The following NT5DC1 variants were observed in gnomAD, a reference collection of about 807,000 sequenced individuals.
NT5DC1 encodes 5'-nucleotidase domain containing 1.
NT5DC1 carries 42 observed loss-of-function variants against 59.4 expected under a neutral mutation model. The observed-to-expected ratio is 0.71, with a 90% CI of 0.55 to 0.92. NT5DC1 has a LOEUF of 0.92. NT5DC1 is among the 40% of genes least tolerant of loss of function. The probability of loss-of-function intolerance (pLI) is 0.00; values close to 1 mark genes in which losing one functional copy is unlikely to be tolerated. For missense variants in NT5DC1, 501 were observed against 537.1 expected (o/e 0.93, Z 0.66); for synonymous variants, 172 against 188.1 (o/e 0.91, Z 0.70).
At chr6:116,196,895 T>A (rs1369596625) in intron 6 of NT5DC1, among the ~76,000 whole-genome samples, 1 of 151,622 alleles carries the variant, frequency 6.6e-6, no homozygotes, top group Non-Finnish European at 1.5e-5. Context: ...TTTCCTCCCC[T>A]CTTCTACTCT....
intron 6 of NT5DC1, among the ~76,000 whole-genome samples, chr6:116,213,182 TG>T (rs770789321): frequency 3.9e-5 from 6 of 152,136 alleles, no homozygotes; most frequent in Admixed American, 3.9e-4. Context: ...CTTCTAAACG[TG>T]GGGGTCTCTC....
chr6:116,231,317 TG>T (rs1317540398), intron 8 of NT5DC1, among the ~76,000 whole-genome samples: 1 of 151,678 alleles, frequency 6.6e-6, no homozygotes, highest in African/African-American at 2.4e-5. Flanking sequence ...AATGAACAAC[TG>T]GAGAAAAAAA....
intron 6 of NT5DC1, among the ~76,000 whole-genome samples, chr6:116,141,263 A>AT (rs201726112): frequency 0.05 from 7,085 of 142,642 alleles, 584 homozygotes; most frequent in African/African-American, 0.17. Context: ...TTTTTATCAG[A>AT]TTTTTTTTTT....
intron 6 of NT5DC1, among the ~76,000 whole-genome samples, chr6:116,135,395 T>C (rs774021049): frequency 3.9e-5 from 6 of 152,024 alleles, no homozygotes; most frequent in Non-Finnish European, 5.9e-5. Context: ...ATTTTTTTTC[T>C]GTAGCATCCA....
intron 6 of NT5DC1, among the ~76,000 whole-genome samples, chr6:116,135,881 A>G (rs1779588441): frequency 2.7e-5 from 4 of 146,932 alleles, no homozygotes; most frequent in South Asian, 2.1e-4. Flanking sequence ...ATACACACAT[A>G]CACACACATT....
At chr6:116,121,992 A>C in intron 6 of NT5DC1, 1 of 1,577,494 alleles carries the variant, frequency 6.3e-7, no homozygotes, top group Non-Finnish European at 8.7e-7. Context: ...ACCCACCCAT[A>C]GAAGGGGATG....
chr6:116,119,024 A>C (rs1314412393), intron 6 of NT5DC1: 1 of 152,656 alleles, frequency 6.6e-6, no homozygotes, highest in African/African-American at 2.4e-5. Context: ...TCAGCCTAAA[A>C]ATCTATTGAT....
At chr6:116,126,022 C>T (rs1478795097) in intron 6 of NT5DC1, 1 of 156,088 alleles carries the variant, frequency 6.4e-6, no homozygotes, top group Non-Finnish European at 1.4e-5. Flanking sequence ...AGCAAGTTAA[C>T]ATGGAAGTCC....
chr6:116,199,686 A>T (rs377517237), intron 6 of NT5DC1, among the ~76,000 whole-genome samples: 2 of 152,042 alleles, frequency 1.3e-5, no homozygotes, highest in East Asian at 1.9e-4. Context: ...AATTACAATG[A>T]TGGAGGTGTG....
At chr6:116,105,620 A>AT (rs1331164175) in intron 1 of NT5DC1, among the ~76,000 whole-genome samples, 1 of 152,164 alleles carries the variant, frequency 6.6e-6, no homozygotes, top group Non-Finnish European at 1.5e-5. Flanking sequence ...AAAACCTAGC[A>AT]TTTTTTGTTG....
intron 6 of NT5DC1, among the ~76,000 whole-genome samples, chr6:116,168,753 G>C (rs1340371416): frequency 6.6e-6 from 1 of 151,942 alleles, no homozygotes; most frequent in African/African-American, 2.4e-5. Flanking sequence ...TCTACAGAGA[G>C]TACTTTTCTA....
At position 116,238,993 on chromosome 6, in the gene NT5DC1, A is replaced by G. The variant is rs1345717700; in HGVS notation, c.1122A>G (p.Lys374=). Residue 374 remains lysine (K), a synonymous_variant, in exon 11 of 12, where the codon AAA becomes AAG. Transcript: ENST00000319550. ...AACCTTTAAATACTTCATCTAAAAA[A>G]TGGGGCTCTTTTTTTATTGATTCAG... The part of the protein sequence containing the change: ...KAKPLNTSSK[K]WGSFFIDSVL... The G allele has an allele frequency of 1.9e-6, 3 of 1,608,118 alleles. No homozygotes were observed. The South Asian group carries it at 3.3e-5, about 18-fold the overall frequency.
At chr6:116,146,804 A>G (rs1779909142) in intron 6 of NT5DC1, among the ~76,000 whole-genome samples, 3 of 151,988 alleles carry the variant, frequency 2.0e-5, no homozygotes, top group Admixed American at 6.6e-5. Context: ...ATTTCAGATC[A>G]GTGGAAGACA....
chr6:116,234,854 A>G (rs1215977050), intron 8 of NT5DC1, among the ~76,000 whole-genome samples: 1 of 152,204 alleles, frequency 6.6e-6, no homozygotes. Context: ...TCTCTACTGC[A>G]GGAATTAATA....
In NT5DC1 at chr6:116,100,889, C is replaced by T. The variant is rs1778625800; in HGVS notation, c.-42C>T. The T allele has an allele frequency of 1.3e-6, 2 of 1,499,358 alleles. No homozygotes were observed. The highest frequency in any genetic ancestry group is 1.8e-5 in the Admixed American group (1 of 55,722). 92.9% of individuals were successfully genotyped at this position (1,499,358 alleles called of 1,614,324 possible). ...GCGTCCCGCCAGCCAGCTCCTTGCA[C>T]CCTTCGCGGCCGAGGCGCTCCCTGG... On this transcript the variant is annotated 5_prime_UTR_variant, in exon 1 of 12. Coordinates refer to ENST00000319550, the MANE Select transcript of NT5DC1 (RefSeq NM_152729.3).
At chr6:116,143,329 A>G (rs754684701) in intron 6 of NT5DC1, among the ~76,000 whole-genome samples, 6 of 151,732 alleles carry the variant, frequency 4.0e-5, no homozygotes, top group Non-Finnish European at 8.8e-5. Context: ...TCCTGCCTCA[A>G]CCTCTCAAGT....
chr6:116,152,509 C>T (rs147965379), intron 6 of NT5DC1, among the ~76,000 whole-genome samples: 126 of 152,258 alleles, frequency 8.3e-4, no homozygotes, highest in African/African-American at 2.8e-3. Flanking sequence ...GAATGAGGCA[C>T]GATGGGGTCT....
chr6:116,168,083 CTTT>C (rs34803424), intron 6 of NT5DC1, among the ~76,000 whole-genome samples: 3 of 118,998 alleles, frequency 2.5e-5, no homozygotes, highest in Non-Finnish European at 5.4e-5. Flanking sequence ...TACCTGGTGT[CTTT>C]TTTTTTTTTT....
chr6:116,235,732 G>T (rs1468678723), intron 8 of NT5DC1, among the ~76,000 whole-genome samples: 1 of 152,168 alleles, frequency 6.6e-6, no homozygotes. Context: ...GAGATTTAAT[G>T]TTGTTGTCTG....
Sources: allele counts gnomAD v4.1 joint callset (sites outside exome capture counted in the v4.1 genomes callset), GRCh38; gene constraint gnomAD v4.1.1; transcripts MANE v1.5; gene names NCBI Gene and HGNC (gene_info 2026-07-23, HGNC 2026-07-21).